The following SLC4A7 variants were observed in gnomAD, a reference collection of about 807,000 sequenced individuals.
SLC4A7 encodes sodium bicarbonate cotransporter 3.
Under a neutral mutation model 137.6 loss-of-function variants are expected in SLC4A7, and 51 were observed. That is an observed-to-expected ratio of 0.37 (90% confidence interval 0.30 to 0.47). The LOEUF (loss-of-function observed/expected upper bound fraction) is 0.47. Among genes scored for constraint, SLC4A7 ranks in the 20% least tolerant of loss-of-function variants. The pLI is 1.00. For missense variants in SLC4A7, 1,247 were observed against 1,525.4 expected, an observed-to-expected ratio of 0.82 and a Z score of 3.04; for synonymous variants, 542 against 518.6, an observed-to-expected ratio of 1.05 and a Z score of -0.61.
intron 22 of SLC4A7, among the ~76,000 whole-genome samples, chr3:27,386,932 G>A (rs2172297): frequency 0.18 from 27,625 of 151,964 alleles, 2,923 homozygotes; most frequent in Non-Finnish European, 0.25. Context: ...CATTTAAATC[G>A]TCCAATACTA....
At chr3:27,423,473 T>A (rs969491523) in intron 8 of SLC4A7, among the ~76,000 whole-genome samples, 2 of 152,224 alleles carry the variant, frequency 1.3e-5, no homozygotes, top group African/African-American at 4.8e-5. Context: ...GGTTTATCTA[T>A]TTCAACAAAA....
chr3:27,472,287 G>A (rs948882711), intron 1 of SLC4A7, among the ~76,000 whole-genome samples: 1 of 152,104 alleles, frequency 6.6e-6, no homozygotes, highest in African/African-American at 2.4e-5. Context: ...ATTTTAAAAT[G>A]TCTTTTTAAA....
intron 1 of SLC4A7, among the ~76,000 whole-genome samples, chr3:27,482,921 C>T (rs1443152892): frequency 1.4e-4 from 21 of 152,140 alleles, no homozygotes; most frequent in Admixed American, 1.4e-3. Flanking sequence ...CTTATATGAA[C>T]GTACTGAACT....
chr3:27,388,410 A>G (rs1404246523), intron 22 of SLC4A7, among the ~76,000 whole-genome samples: 1 of 152,200 alleles, frequency 6.6e-6, no homozygotes, highest in Admixed American at 6.5e-5. Flanking sequence ...TTGGTCTAGA[A>G]TAATTCAAGA....
intron 6 of SLC4A7, among the ~76,000 whole-genome samples, chr3:27,432,817 G>A (rs1315107677): frequency 2.0e-5 from 3 of 151,892 alleles, no homozygotes; most frequent in Non-Finnish European, 4.4e-5. Flanking sequence ...GACTGAATAG[G>A]GTCCCTCTGG....
chr3:27,397,647 T>A (rs749251960), intron 18 of SLC4A7, 37 bp downstream of exon 18: 1 of 990,956 alleles, frequency 1.0e-6, no homozygotes, highest in Admixed American at 1.8e-5. Context: ...AGTGTGGTAT[T>A]CCCAAGTAAC....
intron 22 of SLC4A7, among the ~76,000 whole-genome samples, 182 bp downstream of exon 22, chr3:27,389,749 G>A (rs1287985080): frequency 6.6e-6 from 1 of 151,834 alleles, no homozygotes; most frequent in Non-Finnish European, 1.5e-5. Context: ...AATTTACAAA[G>A]TAATAAAATT....
chr3:27,393,646 TCACAATCACACTGCTTAGTCCC>T (rs2051824560), intron 20 of SLC4A7, among the ~76,000 whole-genome samples: 1 of 152,202 alleles, frequency 6.6e-6, no homozygotes, highest in African/African-American at 2.4e-5. Context: ...TGCTTAGTCC[TCACAATCACACTGCTTAGTCCC>T]CAGCAAATAC....
chr3:27,475,061 G>T (rs544949920), intron 1 of SLC4A7, among the ~76,000 whole-genome samples: 6 of 151,990 alleles, frequency 3.9e-5, no homozygotes, highest in Admixed American at 6.6e-5. Flanking sequence ...AGTGAGCCGA[G>T]ATTGCACCAC....
chr3:27,436,261 G>C (rs1011209032), intron 5 of SLC4A7, 127 bp downstream of exon 5: 1 of 610,392 alleles, frequency 1.6e-6, no homozygotes, highest in African/African-American at 1.9e-5. Context: ...ATTTATCAAA[G>C]ACAAAAATTC....
In SLC4A7 at chr3:27,436,442, G is replaced by C. The variant is rs1283692093; in HGVS notation, c.535C>G (p.Leu179Val). The C allele has an allele frequency of 6.2e-7, 1 of 1,613,326 alleles. No individual in the cohort carries two copies. Among genetic ancestry groups the C allele is most frequent in the Non-Finnish European group, 8.5e-7 (1 of 1,179,604 alleles). Reference protein sequence around the residue: ...HSLFELRSCILNGTVMLDMRA... With the variant: ...HSLFELRSCIVNGTVMLDMRA... The stretch of plus-strand genomic sequence containing the variant: ...ATATCCAGCATGACTGTTCCATTGA[G>C]GATGCAACTCCTTAGTTCAAAAAGA... Residue 179 changes from leucine (L) to valine (V), a missense_variant, in exon 5 of 26, where the codon CTC becomes GTC. This residue lies in a region of SLC4A7 where 11 missense variants were observed against 50.2 expected (regional missense o/e 0.22). Transcript: ENST00000454389.
At chr3:27,471,404 G>A (rs660255) in intron 1 of SLC4A7, among the ~76,000 whole-genome samples, 44,546 of 152,078 alleles carry the variant, frequency 0.29, 8,288 homozygotes, top group East Asian at 0.74. Context: ...CAAGGTGAAA[G>A]GGGGAACATT....
At chr3:27,471,971 T>C (rs892528847) in intron 1 of SLC4A7, among the ~76,000 whole-genome samples, 4 of 152,194 alleles carry the variant, frequency 2.6e-5, no homozygotes, top group Non-Finnish European at 5.9e-5. Flanking sequence ...ATCTTCTCAA[T>C]GAACAGTATT....
chr3:27,471,932 A>T (rs181150223), intron 1 of SLC4A7, among the ~76,000 whole-genome samples: 2 of 152,294 alleles, frequency 1.3e-5, no homozygotes, highest in East Asian at 3.9e-4. Flanking sequence ...AAAAAGCTGA[A>T]AATATTATCA....
intron 7 of SLC4A7, among the ~76,000 whole-genome samples, chr3:27,431,061 T>C (rs1440775722): frequency 1.3e-5 from 2 of 152,180 alleles, no homozygotes; most frequent in Non-Finnish European, 2.9e-5. Flanking sequence ...ATTGAGTTCT[T>C]GCCACTGAAA....
At chr3:27,385,830 G>C in intron 23 of SLC4A7, 62 bp downstream of exon 23, 1 of 1,135,000 alleles carries the variant, frequency 8.8e-7, no homozygotes, top group Non-Finnish European at 1.3e-6. Context: ...AATGGTGCCT[G>C]CAATATGGTG....
intron 3 of SLC4A7, among the ~76,000 whole-genome samples, chr3:27,447,357 C>A (rs1031631330): frequency 5.1e-4 from 77 of 152,236 alleles, no homozygotes; most frequent in Middle Eastern, 3.4e-3. Flanking sequence ...TGTTTAGACA[C>A]AGAATTTGCA....
At chr3:27,438,051 G>A (rs912691310) in intron 3 of SLC4A7, among the ~76,000 whole-genome samples, 1 of 152,002 alleles carries the variant, frequency 6.6e-6, no homozygotes, top group African/African-American at 2.4e-5. Context: ...ATAAAAATTA[G>A]CCAGGCATGG....
chr3:27,446,429 T>C (rs1164602719), intron 3 of SLC4A7, among the ~76,000 whole-genome samples: 1 of 152,152 alleles, frequency 6.6e-6, no homozygotes, highest in Non-Finnish European at 1.5e-5. Context: ...GAATAGTTAT[T>C]CCTTTGAAAA....
Sources: allele counts gnomAD v4.1 joint callset (sites outside exome capture counted in the v4.1 genomes callset), GRCh38; gene constraint gnomAD v4.1.1; regional missense constraint gnomAD v4.1.1; transcripts MANE v1.5; gene names NCBI Gene and HGNC (gene_info 2026-07-23, HGNC 2026-07-21).